MYOM1: variants seen among roughly 807,000 people sequenced by gnomAD.
The protein encoded by MYOM1 is myomesin 1.
In MYOM1, 164 loss-of-function variants were observed where a neutral mutation model predicts 205.3. The observed-to-expected ratio is 0.80, with a 90% confidence interval of 0.70 to 0.91. The LOEUF (loss-of-function observed/expected upper bound fraction) is 0.91, where lower values mean the gene tolerates loss of function less well. MYOM1 is among the 40% of genes least tolerant of loss of function. The probability of loss-of-function intolerance (pLI) is 0.00; values close to 1 mark genes in which losing one functional copy is unlikely to be tolerated. For synonymous variants in MYOM1, 772 were observed against 789.4 expected (o/e 0.98, Z 0.37); for missense variants, 2,011 against 2,127.3 (o/e 0.95, Z 1.08).
intron 27 of MYOM1, 108 bp from the exon 28 acceptor site, chr18:3,089,704 T>G: frequency 1.3e-6 from 1 of 757,584 alleles, no homozygotes; most frequent in Non-Finnish European, 2.0e-6. Flanking sequence ...ACTCATACAT[T>G]GTGACAACCC....
rs1598638863 is a variant in MYOM1 at position 3,066,854 on chromosome 18, T to G, written c.*408A>C. 1.2e-5 allele frequency: 2 copies of G among 170,098 alleles called. No individual in the cohort carries two copies. The highest frequency in any genetic ancestry group is 1.5e-4 in the South Asian group (1 of 6,872). The allele number at this position is 170,098 out of a possible 1,614,324, so 10.5% of individuals were successfully genotyped here. A position where few individuals can be genotyped will look rare whatever the true frequency, so the allele number is the denominator to read the frequency against. The stretch of plus-strand genomic sequence containing the variant: ...AAACTGTTTATTCATACAGAGGAGG[T>G]TCCAAGCCACGAGGCGCCCGTCGAA... On this transcript the variant is annotated 3_prime_UTR_variant, in exon 38 of 38. Coordinates refer to ENST00000356443, the MANE Select transcript of MYOM1 (RefSeq NM_003803.4).
intron 21 of MYOM1, among the ~76,000 whole-genome samples, chr18:3,115,069 C>T (rs2079586292): frequency 6.6e-6 from 1 of 151,974 alleles, no homozygotes; most frequent in Admixed American, 6.6e-5. Context: ...AAATCTTCAT[C>T]CCAGCCATAT....
intron 23 of MYOM1, among the ~76,000 whole-genome samples, chr18:3,101,801 A>G (rs774349060): frequency 7.9e-5 from 12 of 152,116 alleles, no homozygotes; most frequent in Non-Finnish European, 1.8e-4. Context: ...GAGATAATAA[A>G]TAAGAAAGCA....
intron 5 of MYOM1, among the ~76,000 whole-genome samples, chr18:3,184,048 G>A (rs2080776750): frequency 6.6e-6 from 1 of 152,000 alleles, no homozygotes; most frequent in Non-Finnish European, 1.5e-5. Flanking sequence ...TGGGATTACA[G>A]GTATGCACCA....
At chr18:3,101,255 T>C (rs1029511050) in intron 23 of MYOM1, among the ~76,000 whole-genome samples, 14 of 152,338 alleles carry the variant, frequency 9.2e-5, no homozygotes, top group South Asian at 2.1e-4. Context: ...CTGGGCTTCA[T>C]TGTAATAGAA....
Position 3,162,929 on chromosome 18 carries a change from C to G in MYOM1, c.1501+1349G>C, listed in dbSNP as rs111477944. ...TAGTCCCAGCTACTCGGGAGGCTGA[C>G]GCAAGAGAATGGTGTGAACCCAGGA... On this transcript the variant is annotated intron_variant, in intron 10 of 37. Transcript: ENST00000356443. Among the ~76,000 whole-genome samples, 1,346 of 151,408 alleles carry G rather than the reference C, an allele frequency of 8.9e-3. 20 individuals carry two copies. The highest frequency in any genetic ancestry group is 0.031 in the African/African-American group (1,279 of 41,244).
intron 20 of MYOM1, among the ~76,000 whole-genome samples, chr18:3,116,779 C>T (rs908808741): frequency 6.6e-6 from 1 of 152,200 alleles, no homozygotes; most frequent in Non-Finnish European, 1.5e-5. Context: ...CAAAACTTCC[C>T]TTCAGGCCAT....
chr18:3,140,921 T>C (rs966677349), intron 14 of MYOM1, among the ~76,000 whole-genome samples: 4 of 152,362 alleles, frequency 2.6e-5, no homozygotes, highest in Middle Eastern at 3.4e-3. Context: ...TTTCATTTAT[T>C]GTTCTAAAAA....
intron 6 of MYOM1, among the ~76,000 whole-genome samples, chr18:3,174,702 G>A (rs1028944760): frequency 1.3e-5 from 2 of 152,170 alleles, no homozygotes; most frequent in Non-Finnish European, 2.9e-5. Flanking sequence ...AAATAGGGAA[G>A]AGAAAGAAGC....
At chr18:3,073,002 G>A (rs1173823950) in intron 36 of MYOM1, among the ~76,000 whole-genome samples, 21 of 125,312 alleles carry the variant, frequency 1.7e-4, no homozygotes, top group African/African-American at 6.3e-4. Flanking sequence ...TTTTTTAAGA[G>A]ACAGGGTCTT....
chr18:3,082,995 A>C (rs2079102237), intron 33 of MYOM1, among the ~76,000 whole-genome samples: 1 of 152,094 alleles, frequency 6.6e-6, no homozygotes, highest in Non-Finnish European at 1.5e-5. Context: ...ATATCATGGG[A>C]AATTTGGTGC....
chr18:3,193,789 T>C (rs768161025), intron 3 of MYOM1, 29 bp downstream of exon 3: 12 of 1,602,120 alleles, frequency 7.5e-6, no homozygotes, highest in African/African-American at 5.4e-5. Flanking sequence ...TTCTTAAAAA[T>C]TAAAGCCAGG....
At chr18:3,187,883 G>A (rs114009881) in intron 4 of MYOM1, among the ~76,000 whole-genome samples, 2,709 of 132,030 alleles carry the variant, frequency 0.021, 70 homozygotes, top group African/African-American at 0.079. Context: ...TTTTTGGCCC[G>A]GACTGGAGTG....
intron 14 of MYOM1, among the ~76,000 whole-genome samples, chr18:3,138,876 C>T (rs1370588651): frequency 4.6e-5 from 7 of 152,146 alleles, no homozygotes; most frequent in South Asian, 2.1e-4. Flanking sequence ...GTTGGATTTA[C>T]GCACCTGAAC....
chr18:3,141,788 T>C (rs1357063969), intron 14 of MYOM1, 151 bp downstream of exon 14: 18 of 992,946 alleles, frequency 1.8e-5, no homozygotes, highest in South Asian at 9.2e-5. Context: ...CTTTGTTCTA[T>C]GGAGACAGTT....
chr18:3,155,858 A>C (rs1049545761), intron 10 of MYOM1, among the ~76,000 whole-genome samples: 8 of 152,228 alleles, frequency 5.3e-5, no homozygotes, highest in Non-Finnish European at 1.2e-4. Context: ...CCTAGGCAAG[A>C]CACTACCATT....
At chr18:3,084,973 G>T in intron 31 of MYOM1, 72 bp downstream of exon 31, 2 of 1,134,782 alleles carry the variant, frequency 1.8e-6, no homozygotes, top group Non-Finnish European at 2.5e-6. Context: ...TCGTCAGCTC[G>T]GCCTCAATCA....
chr18:3,235,949 C>T, the MYOM1 span, among the ~76,000 whole-genome samples: 1 of 152,152 alleles, frequency 6.6e-6, no homozygotes, highest in African/African-American at 2.4e-5. Context: ...ATGCAAAGGT[C>T]TTGAGGTGGA....
chr18:3,241,615 G>A, the MYOM1 span, among the ~76,000 whole-genome samples: 3 of 152,246 alleles, frequency 2.0e-5, no homozygotes, highest in Non-Finnish European at 4.4e-5. Flanking sequence ...GAAATGTGGG[G>A]TGGGAGACCC....
Sources: allele counts gnomAD v4.1 joint callset (sites outside exome capture counted in the v4.1 genomes callset), GRCh38; gene constraint gnomAD v4.1.1; transcripts MANE v1.5; gene names NCBI Gene and HGNC (gene_info 2026-07-23, HGNC 2026-07-21).